SGCD: variants seen among roughly 807,000 people sequenced by gnomAD.
The protein encoded by SGCD is sarcoglycan delta.
Under a neutral mutation model 36.6 loss-of-function variants are expected in SGCD, and 18 were observed. That is an observed-to-expected ratio of 0.49 (90% CI 0.34 to 0.73). The LOEUF (loss-of-function observed/expected upper bound fraction) is 0.73, where lower values mean the gene tolerates loss of function less well. Ranked by LOEUF, SGCD falls within the 30% of genes least tolerant of loss-of-function variation. The probability of loss-of-function intolerance (pLI) is 0.01; values close to 1 mark genes in which losing one functional copy is unlikely to be tolerated. For missense variants in SGCD, 387 were observed against 346.7 expected, an observed-to-expected ratio of 1.12 and a Z score of -0.92; for synonymous variants, 133 against 130.6, an observed-to-expected ratio of 1.02 and a Z score of -0.12.
At chr5:156,732,641 AT>A (rs1238110066) in intron 7 of SGCD, among the ~76,000 whole-genome samples, 5 of 151,852 alleles carry the variant, frequency 3.3e-5, no homozygotes, top group African/African-American at 1.2e-4. Context: ...TCCCTTCTCA[AT>A]TTTTTGTCAC....
chr5:155,773,001 T>G, the SGCD span, among the ~76,000 whole-genome samples: 2 of 152,264 alleles, frequency 1.3e-5, no homozygotes, highest in East Asian at 1.9e-4. Context: ...ACGAAGTAAG[T>G]AAGCACTCTC....
At chr5:156,486,700 G>T (rs1321330926) in intron 3 of SGCD, among the ~76,000 whole-genome samples, 1 of 152,146 alleles carries the variant, frequency 6.6e-6, no homozygotes, top group African/African-American at 2.4e-5. Flanking sequence ...ATTGGCACCT[G>T]CACTTGCCTT....
chr5:155,962,466 C>T (rs776996264), intron 1 of SGCD, among the ~76,000 whole-genome samples: 1 of 152,072 alleles, frequency 6.6e-6, no homozygotes, highest in Non-Finnish European at 1.5e-5. Flanking sequence ...TGGATACTGT[C>T]CAGTGGTTTC....
intron 4 of SGCD, among the ~76,000 whole-genome samples, chr5:156,544,885 A>G (rs1360642800): frequency 1.3e-5 from 2 of 152,218 alleles, no homozygotes; most frequent in African/African-American, 2.4e-5. Flanking sequence ...GAAAGGAAAC[A>G]TCGTCTTAGC....
chr5:156,677,297 A>C (rs1180213329), intron 7 of SGCD, among the ~76,000 whole-genome samples: 1 of 152,234 alleles, frequency 6.6e-6, no homozygotes, highest in Non-Finnish European at 1.5e-5. Flanking sequence ...TGGATGAAGA[A>C]AATGTGGCAC....
intron 3 of SGCD, among the ~76,000 whole-genome samples, chr5:156,304,431 C>G (rs1452023818): frequency 1.3e-5 from 2 of 152,158 alleles, no homozygotes; most frequent in African/African-American, 4.8e-5. Context: ...CTCTCTTTGC[C>G]TATTGCCATC....
chr5:155,854,350 G>T, the SGCD span, among the ~76,000 whole-genome samples: 1 of 152,092 alleles, frequency 6.6e-6, no homozygotes, highest in Non-Finnish European at 1.5e-5. Flanking sequence ...GCTCTTAATT[G>T]TTATTTCATA....
At chr5:155,941,921 TAGC>T (rs763265952) in intron 1 of SGCD, among the ~76,000 whole-genome samples, 5 of 152,174 alleles carry the variant, frequency 3.3e-5, no homozygotes, top group Non-Finnish European at 5.9e-5. Flanking sequence ...GGATAAAATG[TAGC>T]AGAAGTAAAA....
chr5:155,966,214 G>C (rs1014132614), intron 1 of SGCD, among the ~76,000 whole-genome samples: 5 of 152,098 alleles, frequency 3.3e-5, no homozygotes, highest in Non-Finnish European at 7.4e-5. Context: ...GTCAACGTGA[G>C]ACCACATCAC....
chr5:156,454,044 G>A (rs1007874570), intron 3 of SGCD, among the ~76,000 whole-genome samples: 3 of 152,098 alleles, frequency 2.0e-5, no homozygotes, highest in Admixed American at 2.0e-4. Context: ...GGCTTTCACA[G>A]GTCTGTACAA....
chr5:156,125,408 G>C (rs113051227), intron 3 of SGCD, among the ~76,000 whole-genome samples: 4 of 152,044 alleles, frequency 2.6e-5, no homozygotes, highest in African/African-American at 9.6e-5. Flanking sequence ...CTCTTAGCTA[G>C]TCATGAATGG....
At chr5:156,229,288 A>ATATATATATATATATT (rs1203808308) in intron 3 of SGCD, among the ~76,000 whole-genome samples, 1 of 114,166 alleles carries the variant, frequency 8.8e-6, no homozygotes, top group East Asian at 2.3e-4. Context: ...ATATATATAT[A>ATATATATATATATATT]TATATATATA....
At chr5:156,641,685 G>A (rs992360597) in intron 6 of SGCD, among the ~76,000 whole-genome samples, 1 of 152,178 alleles carries the variant, frequency 6.6e-6, no homozygotes, top group Non-Finnish European at 1.5e-5. Flanking sequence ...GGCTGGCTTT[G>A]AGCATTAATC....
At position 156,338,325 on chromosome 5, in the gene SGCD, A is replaced by G. The variant is rs1359402016; in HGVS notation, c.4-6164A>G. On this transcript the variant is annotated intron_variant, in intron 2 of 8. Transcript: ENST00000337851. ...TGTGGGAACAAAGATGCAAACAAAA[A>G]GTGACCACTTCAACGGTATTAGACT... Among the ~76,000 whole-genome samples, 4 of 152,236 alleles carry G rather than the reference A, an allele frequency of 2.6e-5. No individual in the cohort carries two copies. The South Asian group carries it at 6.2e-4, about 24-fold the overall frequency.
chr5:155,881,392 C>T (rs1755882389), intron 1 of SGCD, among the ~76,000 whole-genome samples: 1 of 151,916 alleles, frequency 6.6e-6, no homozygotes, highest in Non-Finnish European at 1.5e-5. Context: ...GTTTTGTTTA[C>T]ACTATACTGT....
intron 2 of SGCD, among the ~76,000 whole-genome samples, chr5:156,335,367 A>C (rs544801902): frequency 2.6e-5 from 4 of 152,266 alleles, no homozygotes; most frequent in African/African-American, 9.6e-5. Context: ...TGACCTGGCA[A>C]TCTGGTTTCT....
chr5:155,959,166 A>G (rs1280183185), intron 1 of SGCD, among the ~76,000 whole-genome samples: 1 of 152,154 alleles, frequency 6.6e-6, no homozygotes, highest in East Asian at 1.9e-4. Context: ...TACCTGGCAT[A>G]ATTTCTTAGT....
At chr5:155,734,151 A>T in the SGCD span, among the ~76,000 whole-genome samples, 1 of 147,260 alleles carries the variant, frequency 6.8e-6, no homozygotes, top group Non-Finnish European at 1.5e-5. Flanking sequence ...TTAATTAATA[A>T]TGTTACTGTT....
At position 156,731,528 on chromosome 5, in the gene SGCD, A is replaced by G. The variant is rs183501921; in HGVS notation, c.576-26053A>G. 6.8e-3 allele frequency among the ~76,000 whole-genome samples: 1,027 copies of G among 152,112 alleles called. 5 individuals are homozygous for G. The highest frequency in any genetic ancestry group is 0.012 in the Non-Finnish European group (784 of 67,926). ...TCCATTGCTTGTTTTTGTCAGGTTTATCAAAGATCAGATAGTTGTAGGTGT... is the reference window on the plus strand; with the variant it reads ...TCCATTGCTTGTTTTTGTCAGGTTTGTCAAAGATCAGATAGTTGTAGGTGT... On this transcript the variant is annotated intron_variant, in intron 7 of 8. Transcript: ENST00000337851.
Sources: gnomAD v4.1 joint callset for allele counts (sites outside exome capture counted in the v4.1 genomes callset) on GRCh38, gnomAD v4.1.1 for gene constraint, MANE v1.5 for transcripts, NCBI Gene and HGNC (gene_info 2026-07-23, HGNC 2026-07-21) for gene names.